CALN1: variants seen among roughly 807,000 people sequenced by gnomAD.
The protein encoded by CALN1 is calneuron 1, also known as calcium-binding protein 8.
A neutral mutation model predicts 30.6 loss-of-function variants in CALN1; 17 were observed. That is an observed-to-expected ratio of 0.56 (90% CI 0.38 to 0.83). The LOEUF is 0.83. Among genes scored for constraint, CALN1 ranks in the 40% least tolerant of loss-of-function variants. The pLI is 0.00. For missense variants in CALN1, 291 were observed against 354.9 expected (o/e 0.82, Z 1.45); for synonymous variants, 156 against 131.4 (o/e 1.19, Z -1.28).
At chr7:72,405,200 A>C (rs1029121639) in intron 1 of CALN1, among the ~76,000 whole-genome samples, 2 of 152,180 alleles carry the variant, frequency 1.3e-5, no homozygotes, top group Non-Finnish European at 2.9e-5. Flanking sequence ...TAAAGAGAGT[A>C]AGTGTCTCAA....
At chr7:72,378,421 T>C (rs545084551) in intron 2 of CALN1, among the ~76,000 whole-genome samples, 3 of 152,306 alleles carry the variant, frequency 2.0e-5, no homozygotes, top group Non-Finnish European at 2.9e-5. Flanking sequence ...TTTTGACTAG[T>C]TTCCAGAGTT....
At chr7:71,898,419 T>C (rs1230646684) in intron 5 of CALN1, among the ~76,000 whole-genome samples, 1 of 152,076 alleles carries the variant, frequency 6.6e-6, no homozygotes, top group Admixed American at 6.6e-5. Context: ...ATAAAAGGAT[T>C]TAGGAACTGA....
At chr7:72,425,988 A>C (rs532124713) in intron 1 of CALN1, among the ~76,000 whole-genome samples, 3 of 152,206 alleles carry the variant, frequency 2.0e-5, no homozygotes, top group Admixed American at 6.5e-5. Context: ...AGGAAGCCAA[A>C]TGCCTCAGGG....
At chr7:72,203,977 C>A (rs868210319) in intron 3 of CALN1, among the ~76,000 whole-genome samples, 70 of 92,274 alleles carry the variant, frequency 7.6e-4, no homozygotes, top group Non-Finnish European at 9.2e-4. Flanking sequence ...AGAGGCCTCT[C>A]TCTTTTTTTT....
chr7:72,080,448 ATTTTG>A (rs1805059326), intron 4 of CALN1, among the ~76,000 whole-genome samples: 1 of 151,934 alleles, frequency 6.6e-6, no homozygotes, highest in Non-Finnish European at 1.5e-5. Flanking sequence ...AGAGGGAGGG[ATTTTG>A]TTTGTTTCAT....
chr7:71,810,567 G>T, intron 5 of CALN1, 75 bp from the exon 6 acceptor site: 1 of 1,459,822 alleles, frequency 6.9e-7, no homozygotes, highest in Non-Finnish European at 9.4e-7. Flanking sequence ...TGACAGGCCA[G>T]ACCCACAGCT....
intron 5 of CALN1, among the ~76,000 whole-genome samples, chr7:71,887,484 G>A (rs1055855616): frequency 5.3e-5 from 8 of 152,074 alleles, no homozygotes; most frequent in Admixed American, 2.0e-4. Context: ...TAGTAGAGAC[G>A]GGGTTTCTCC....
At chr7:71,953,383 A>G (rs964683962) in intron 5 of CALN1, among the ~76,000 whole-genome samples, 3 of 152,104 alleles carry the variant, frequency 2.0e-5, no homozygotes, top group Non-Finnish European at 4.4e-5. Flanking sequence ...GTATCAACAC[A>G]CACTTGTGGT....
intron 5 of CALN1, among the ~76,000 whole-genome samples, chr7:71,822,871 C>T (rs1788676355): frequency 6.6e-6 from 1 of 152,132 alleles, no homozygotes; most frequent in Admixed American, 6.5e-5. Context: ...AATTTTGTAA[C>T]AAAATTTACA....
Position 72,205,551 on chromosome 7 carries a change from A to AAATATATACATATATATACATATATAT in CALN1, c.244+73134_244+73135insATATATATGTATATATATGTATATATT. Among the ~76,000 whole-genome samples the AAATATATACATATATATACATATATAT allele has an allele frequency of 1.5e-3, 122 of 83,034 alleles. 5 individuals are homozygous for AAATATATACATATATATACATATATAT. Among genetic ancestry groups the AAATATATACATATATATACATATATAT allele is most frequent in the African/African-American group, 7.9e-3 (106 of 13,434 alleles). The allele number at this position is 83,034 out of a possible 152,430, so 54.5% of individuals were successfully genotyped here. On this transcript the variant is annotated intron_variant, in intron 3 of 6. Coordinates refer to ENST00000395275, the MANE Select transcript of CALN1 (RefSeq NM_031468.4). The stretch of plus-strand genomic sequence containing the variant: ...ATTTTTCTCCTGATTGCAAAAAAAA[A>AAATATATACATATATATACATATATAT]ATATATATATATATATGTATATATA...
chr7:71,969,888 G>T (rs958425877), intron 5 of CALN1, among the ~76,000 whole-genome samples: 25 of 150,668 alleles, frequency 1.7e-4, no homozygotes, highest in Non-Finnish European at 8.8e-5. Flanking sequence ...GCAGTGGTAT[G>T]ATCTTGGCTC....
chr7:72,280,960 T>C (rs546250651), intron 2 of CALN1, among the ~76,000 whole-genome samples: 8 of 152,168 alleles, frequency 5.3e-5, no homozygotes, highest in South Asian at 2.1e-4. Context: ...CTGGCCAACA[T>C]GGTGAAACCC....
intron 5 of CALN1, among the ~76,000 whole-genome samples, chr7:72,015,938 T>C (rs1228331945): frequency 2.0e-5 from 3 of 152,038 alleles, no homozygotes; most frequent in Non-Finnish European, 4.4e-5. Context: ...ACTATTAAGG[T>C]TCCATTAGAT....
intron 5 of CALN1, among the ~76,000 whole-genome samples, chr7:72,017,170 T>TAAAA (rs58672373): frequency 6.8e-5 from 6 of 88,118 alleles, no homozygotes; most frequent in African/African-American, 1.1e-4. Context: ...TCTCAAAAAT[T>TAAAA]AAAAAAAAAA....
At chr7:72,226,030 G>T (rs1402167905) in intron 3 of CALN1, among the ~76,000 whole-genome samples, 2 of 150,916 alleles carry the variant, frequency 1.3e-5, no homozygotes, top group Admixed American at 1.3e-4. Context: ...CGGGAGGCAG[G>T]GGTTGCAGTG....
At chr7:72,228,805 A>G (rs1159345356) in intron 3 of CALN1, among the ~76,000 whole-genome samples, 1 of 151,610 alleles carries the variant, frequency 6.6e-6, no homozygotes, top group Non-Finnish European at 1.5e-5. Flanking sequence ...TCTATAGTCC[A>G]GGCTGGAGTG....
In CALN1 at chr7:72,359,976, C is replaced by CAAAA. The variant is rs750054515; in HGVS notation, c.119+43271_119+43274dup. 1.3e-3 allele frequency among the ~76,000 whole-genome samples: 82 copies of CAAAA among 63,962 alleles called. 2 individuals carry two copies. The highest frequency in any genetic ancestry group is 6.7e-3 in the African/African-American group (78 of 11,680). The allele number at this position is 63,962 out of a possible 152,430, so 42.0% of individuals were successfully genotyped here. A position where few individuals can be genotyped will look rare whatever the true frequency, so the allele number is the denominator to read the frequency against. ...TGGGTGACAGAGTGAGACTCCATCT[C>CAAAA]AAAAAAAAAAAAAAACCAAAGTTGA... On this transcript the variant is annotated intron_variant, in intron 2 of 6. Coordinates refer to ENST00000395275, the MANE Select transcript of CALN1 (RefSeq NM_031468.4).
intron 4 of CALN1, among the ~76,000 whole-genome samples, chr7:72,045,886 C>T (rs936306972): frequency 1.3e-5 from 2 of 150,442 alleles, no homozygotes; most frequent in African/African-American, 4.9e-5. Context: ...TGTAATCCTG[C>T]TACTCGGGAG....
At chr7:72,294,726 C>T (rs573636009) in intron 2 of CALN1, among the ~76,000 whole-genome samples, 29 of 143,648 alleles carry the variant, frequency 2.0e-4, no homozygotes, top group African/African-American at 7.1e-4. Context: ...CCAGCTGGGA[C>T]GACAAAGACT....
Sources: gnomAD v4.1 joint callset for allele counts (sites outside exome capture counted in the v4.1 genomes callset) on GRCh38, gnomAD v4.1.1 for gene constraint, MANE v1.5 for transcripts, NCBI Gene and HGNC (gene_info 2026-07-23, HGNC 2026-07-21) for gene names.